Variants in CNDP2 observed in about 807,000 individuals in gnomAD.
The protein encoded by CNDP2 is carnosine dipeptidase 2, also known as cytosolic non-specific dipeptidase.
CNDP2 carries 38 observed loss-of-function variants against 55.0 expected under a neutral mutation model. The ratio of observed to expected loss-of-function variants is 0.69; its 90% CI spans 0.53 to 0.90. CNDP2 has a LOEUF of 0.90. Among genes scored for constraint, CNDP2 ranks in the 40% least tolerant of loss-of-function variants. The pLI, the probability that CNDP2 is intolerant of heterozygous loss-of-function variation, is 0.00. For missense variants in CNDP2, 607 were observed against 621.7 expected (o/e 0.98, Z 0.25); for synonymous variants, 241 against 260.2 (o/e 0.93, Z 0.71).
At chr18:74,513,294 G>A (rs1374610264) in intron 7 of CNDP2, among the ~76,000 whole-genome samples, 1 of 152,224 alleles carries the variant, frequency 6.6e-6, no homozygotes, top group Non-Finnish European at 1.5e-5. Flanking sequence ...CCAAGCTGCT[G>A]CCTCATTGGC....
At chr18:74,514,651 A>G (rs62099872) in intron 8 of CNDP2, among the ~76,000 whole-genome samples, 1,950 of 91,134 alleles carry the variant, frequency 0.021, no homozygotes, top group Non-Finnish European at 0.032. Context: ...TGCAGGCTGT[A>G]GGGTTATGTG....
At chr18:74,512,210 C>A (rs1353337633) in intron 6 of CNDP2, 2 of 474,036 alleles carry the variant, frequency 4.2e-6, no homozygotes, top group Non-Finnish European at 7.6e-6. Flanking sequence ...AATGCTTGTA[C>A]CTGTGGCTAG....
intron 3 of CNDP2, among the ~76,000 whole-genome samples, chr18:74,503,302 A>G (rs918344271): frequency 3.9e-5 from 6 of 152,222 alleles, no homozygotes; most frequent in African/African-American, 1.4e-4. Context: ...AATCTTCTGC[A>G]GAGATGCTTG....
rs541404051 is a variant in CNDP2, at chr18:74,518,370, A to G, written c.1069-129A>G. 5 of 960,420 alleles carry G rather than the reference A, an allele frequency of 5.2e-6. No homozygotes were observed. The African/African-American group carries it at 8.1e-5, about 15-fold the overall frequency. 59.5% of individuals were successfully genotyped at this position (960,420 alleles called of 1,614,324 possible). ...CTCATCGTAGACTCAGCATAGACCC[A>G]TCACAGACCTGTCAGAGGCCGATTG... On this transcript the variant is annotated intron_variant, in intron 9 of 11. Transcript: ENST00000324262.
intron 9 of CNDP2, chr18:74,518,277 T>TA (rs1979822294): frequency 1.2e-5 from 5 of 428,288 alleles, no homozygotes; most frequent in Admixed American, 3.8e-5. Context: ...AAATAAAAAA[T>TA]AAAAAAAGAA....
intron 9 of CNDP2, 95 bp downstream of exon 9, chr18:74,516,487 C>A: frequency 1.6e-6 from 2 of 1,230,622 alleles, no homozygotes; most frequent in Non-Finnish European, 2.2e-6. Flanking sequence ...GACACCCGGG[C>A]CATGCATGCC....
At chr18:74,514,524 A>G (rs1979545061) in intron 8 of CNDP2, among the ~76,000 whole-genome samples, 1 of 139,798 alleles carries the variant, frequency 7.2e-6, no homozygotes, top group Non-Finnish European at 1.6e-5. Flanking sequence ...GTACGTATGT[A>G]AGTTCTGCAG....
rs1980065603 is a variant in CNDP2 at position 74,521,831 on chromosome 18, G to A, written c.*1763G>A. ...TGGTAGGCAAAGGTTTAAAGAACGG[G>A]ATATTTGCTTAGCTTAAAAGCACCT... On this transcript the variant is annotated 3_prime_UTR_variant, in exon 12 of 12. Transcript: ENST00000324262. The A allele has an allele frequency of 6.6e-6, 1 of 152,206 alleles. No homozygotes were observed. Among genetic ancestry groups the A allele is most frequent in the South Asian group, 2.1e-4 (1 of 4,828 alleles). The allele number at this position is 152,206 out of a possible 1,614,324, so 9.4% of individuals were successfully genotyped here.
chr18:74,500,566 C>T (rs573594145), intron 2 of CNDP2, among the ~76,000 whole-genome samples: 27 of 152,278 alleles, frequency 1.8e-4, no homozygotes, highest in South Asian at 6.2e-4. Flanking sequence ...AACTTATTTA[C>T]GGAACCTGGT....
chr18:74,518,939 TTC>T lies in CNDP2; in HGVS notation c.1211-9_1211-8del. 1.3e-6 allele frequency: 2 copies of T among 1,531,222 alleles called. No individual in the cohort carries two copies. Among genetic ancestry groups the T allele is most frequent in the Non-Finnish European group, 1.7e-6 (2 of 1,145,322 alleles). The allele number at this position is 1,531,222 out of a possible 1,614,324, so 94.9% of individuals were successfully genotyped here. ...AAGCTCACCGTTTATTTTATTTCAT[TTC>T]CCCCCAGTTTTTGGTGTTGAGCCAG... is the stretch of plus-strand genomic sequence containing the variant. On this transcript the variant is annotated splice_region_variant and splice_polypyrimidine_tract_variant and intron_variant, in intron 10 of 11. Coordinates refer to ENST00000324262, the MANE Select transcript of CNDP2 (RefSeq NM_018235.3).
intron 10 of CNDP2, 79 bp downstream of exon 10, chr18:74,518,719 T>C (rs1438371872): frequency 3.8e-6 from 6 of 1,585,738 alleles, no homozygotes; most frequent in Middle Eastern, 2.1e-4. Flanking sequence ...CGCGTGGGCG[T>C]GTAGCTATGT....
In CNDP2 at chr18:74,516,370, C is replaced by T. The variant is rs528138489; in HGVS notation, c.1046C>T (p.Thr349Ile). ...KFSIRLVPNM[T>I]PEVVGEQVTS... ...TCCATCAGGCTCGTGCCGAACATGA[C>T]TCCTGAAGTCGTCGGCGAGCAGGCA... The change falls in exon 9 of 12, where the codon ACT becomes ATT. Residue 349 changes from threonine to isoleucine, a missense_variant. Physicochemically the swap from Thr to Ile is moderately conservative, Grantham distance 89. Transcript: ENST00000324262. 6.2e-7 allele frequency: 1 copy of T among 1,612,298 alleles called. No individual in the cohort carries two copies. The highest frequency in any genetic ancestry group is 1.1e-5 in the South Asian group (1 of 90,970).
At position 74,505,904 on chromosome 18, in the gene CNDP2, C is replaced by T. The variant is rs190301017; in HGVS notation, c.260C>T (p.Ser87Phe). The stretch of plus-strand genomic sequence containing the variant: ...CCTATTCTGCTCGGCAGGCTGGGCT[C>T]CGACCCACAGAAGAAGACCGTGTGC... ...LPPILLGRLG[S>F]DPQKKTVCIY... The change falls in exon 4 of 12, where the codon TCC becomes TTC. Residue 87 changes from serine (S) to phenylalanine (F), a missense_variant. Coordinates refer to ENST00000324262, the MANE Select transcript of CNDP2 (RefSeq NM_018235.3). The T allele has an allele frequency of 1.6e-4, 250 of 1,612,100 alleles. 3 individuals carry two copies. The East Asian group carries it at 2.1e-3, about 14-fold the overall frequency.
chr18:74,501,103 T>C, intron 2 of CNDP2: 1 of 961,576 alleles, frequency 1.0e-6, no homozygotes, highest in Non-Finnish European at 1.3e-6. Flanking sequence ...TTTAAACAGG[T>C]ACTGAGTGTA....
At chr18:74,512,676 C>T (rs918591532) in intron 7 of CNDP2, 144 bp downstream of exon 7, 1 of 643,432 alleles carries the variant, frequency 1.6e-6, no homozygotes, top group Admixed American at 3.0e-5. Flanking sequence ...CCTCTCCCTC[C>T]TTCCACTCAC....
At position 74,518,516 on chromosome 18, in the gene CNDP2, T is replaced by A; in HGVS notation, c.1086T>A (p.Thr362=). ...TGGTTTAGGTCACAAGCTACCTAAC[T>A]AAGAAGTTTGCTGAACTACGCAGCC... ...VVGEQVTSYL[T]KKFAELRSPN... is the part of the protein sequence containing the mutation. The change falls in exon 10 of 12, where the codon ACT becomes ACA. Residue 362 remains threonine (T), a synonymous_variant. Transcript: ENST00000324262. 3.1e-6 allele frequency: 5 copies of A among 1,614,184 alleles called. No homozygotes were observed. The highest frequency in any genetic ancestry group is 1.1e-5 in the South Asian group (1 of 91,092).
At chr18:74,502,472 G>GT (rs139713521) in intron 3 of CNDP2, among the ~76,000 whole-genome samples, 2 of 148,608 alleles carry the variant, frequency 1.3e-5, no homozygotes, top group African/African-American at 2.5e-5. Flanking sequence ...TTGTCTTTTT[G>GT]GTTTTTTTTT....
Position 74,510,907 on chromosome 18 carries a change from T to C in CNDP2, c.551T>C (p.Phe184Ser). The change falls in exon 6 of 12, where the codon TTC becomes TCC. Residue 184 changes from phenylalanine (F) to serine (S), a missense_variant. Phe to Ser is a radical substitution (Grantham distance 155). Transcript: ENST00000324262. ...CTGATTTTTGCCCGGAAAGACACAT[T>C]CTTTAAGGATGTGGACTATGTCTGC... is the stretch of plus-strand genomic sequence containing the variant. ...DELIFARKDT[F>S]FKDVDYVCIS... 1 of 1,613,938 alleles carries C rather than the reference T, an allele frequency of 6.2e-7. No individual in the cohort carries two copies. Among genetic ancestry groups the C allele is most frequent in the Non-Finnish European group, 8.5e-7 (1 of 1,179,836 alleles).
chr18:74,505,893 C>T lies in CNDP2; in HGVS notation c.249C>T (p.Gly83=), dbSNP rs1330037738. ...SEIPLPPILL[G]RLGSDPQKKT... is the part of the protein sequence containing the mutation. The stretch of plus-strand genomic sequence containing the variant: ...TCCCGCTCCCTCCTATTCTGCTCGG[C>T]AGGCTGGGCTCCGACCCACAGAAGA... Residue 83 remains glycine (G), a synonymous_variant, in exon 4 of 12, where the codon GGC becomes GGT. Transcript: ENST00000324262. The T allele has an allele frequency of 3.7e-6, 6 of 1,611,916 alleles. No homozygotes were observed. Among genetic ancestry groups the T allele is most frequent in the Non-Finnish European group, 5.1e-6 (6 of 1,179,394 alleles).
Sources: allele counts gnomAD v4.1 joint callset (sites outside exome capture counted in the v4.1 genomes callset), GRCh38; gene constraint gnomAD v4.1.1; transcripts MANE v1.5; gene names NCBI Gene and HGNC (gene_info 2026-07-23, HGNC 2026-07-21).